Variants in HIVEP1 observed in about 807,000 individuals in gnomAD.
The protein encoded by HIVEP1 is zinc finger protein 40.
In HIVEP1, 36 loss-of-function variants were observed where a neutral mutation model predicts 180.0. The ratio of observed to expected loss-of-function variants is 0.20; its 90% CI spans 0.15 to 0.26. The LOEUF (loss-of-function observed/expected upper bound fraction) is 0.26, where lower values mean the gene tolerates loss of function less well. Ranked by LOEUF, HIVEP1 falls within the 10% of genes least tolerant of loss-of-function variation. The pLI, the probability that HIVEP1 is intolerant of heterozygous loss-of-function variation, is 1.00. For synonymous variants in HIVEP1, 1,239 were observed against 1,239.0 expected, an observed-to-expected ratio of 1.00 and a Z score of 0.00; for missense variants, 3,143 against 3,268.7, an observed-to-expected ratio of 0.96 and a Z score of 0.94.
intron 2 of HIVEP1, among the ~76,000 whole-genome samples, chr6:12,017,984 C>T (rs993599118): frequency 3.9e-5 from 6 of 152,288 alleles, no homozygotes; most frequent in Middle Eastern, 3.4e-3. Context: ...CAGCGCTCAT[C>T]GGGGAGGCTG....
At chr6:12,048,253 G>A (rs1378197249) in intron 2 of HIVEP1, among the ~76,000 whole-genome samples, 9 of 152,240 alleles carry the variant, frequency 5.9e-5, no homozygotes, top group Admixed American at 1.3e-4. Flanking sequence ...GCACTTGTGC[G>A]CCGTCCGCGG....
intron 2 of HIVEP1, among the ~76,000 whole-genome samples, chr6:12,029,915 G>A (rs949319656): frequency 4.6e-5 from 7 of 152,038 alleles, no homozygotes; most frequent in African/African-American, 1.7e-4. Context: ...ATGGATTCAG[G>A]TTATCATCCT....
intron 2 of HIVEP1, among the ~76,000 whole-genome samples, chr6:12,042,189 C>T (rs893257886): frequency 9.3e-5 from 14 of 150,206 alleles, no homozygotes; most frequent in African/African-American, 3.2e-4. Flanking sequence ...ACGCCATTCT[C>T]CTGCCTCAGC....
intron 2 of HIVEP1, among the ~76,000 whole-genome samples, chr6:12,081,483 A>G (rs1214661218): frequency 6.6e-6 from 1 of 152,050 alleles, no homozygotes; most frequent in African/African-American, 2.4e-5. Flanking sequence ...CCACTAGCAG[A>G]CTTTTCCTTT....
the HIVEP1 span, among the ~76,000 whole-genome samples, chr6:12,183,974 A>AAGAT: frequency 0.04 from 5,425 of 134,530 alleles, 158 homozygotes; most frequent in South Asian, 0.062. Context: ...TCACATTGTA[A>AAGAT]AGATAGATAG....
At chr6:12,168,407 A>G (rs1402772012), downstream of HIVEP1, among the ~76,000 whole-genome samples, 1 of 141,878 alleles carries the variant, frequency 7.0e-6, no homozygotes, top group Non-Finnish European at 1.5e-5. Context: ...ATTTTATATA[A>G]TATATTTTAG....
the HIVEP1 span, among the ~76,000 whole-genome samples, chr6:12,177,747 G>C: frequency 6.6e-6 from 1 of 152,158 alleles, no homozygotes; most frequent in South Asian, 2.1e-4. Flanking sequence ...AGCTAGATAA[G>C]TGATAGGGGA....
At chr6:12,153,111 T>C (rs1759805000) in intron 7 of HIVEP1, among the ~76,000 whole-genome samples, 1 of 152,234 alleles carries the variant, frequency 6.6e-6, no homozygotes, top group Admixed American at 6.5e-5. Context: ...AGTTCAATTA[T>C]TTACATTCTC....
intron 6 of HIVEP1, among the ~76,000 whole-genome samples, chr6:12,131,352 C>T (rs1293423263): frequency 6.6e-6 from 1 of 151,864 alleles, no homozygotes; most frequent in African/African-American, 2.4e-5. Flanking sequence ...ATAATAACTA[C>T]AGTAAACTTC....
At chr6:12,089,083 TA>T (rs1773290719) in intron 2 of HIVEP1, 100 bp from the exon 3 acceptor site, 1 of 597,378 alleles carries the variant, frequency 1.7e-6, no homozygotes, top group South Asian at 2.3e-5. Context: ...ACACATTTTT[TA>T]CTAGGTATCT....
rs1334094554 is a variant in HIVEP1 at position 12,161,680 on chromosome 6, G to A, written c.6729G>A (p.Thr2243=). ...RITDCFSGVH[T]DPMDVLPRAL... ...CCGATTGCTTTTCTGGGGTACACAC[G>A]GACCCAATGGACGTTCTGCCCAGGG... Residue 2243 remains threonine, a synonymous_variant, in exon 8 of 9, where the codon ACG becomes ACA. Transcript: ENST00000379388. The A allele has an allele frequency of 1.2e-5, 19 of 1,614,000 alleles. No individual in the cohort carries two copies. The highest frequency in any genetic ancestry group is 3.3e-5 in the South Asian group (3 of 91,086).
intron 2 of HIVEP1, among the ~76,000 whole-genome samples, chr6:12,065,692 C>T (rs62395292): frequency 0.039 from 5,679 of 145,078 alleles, 180 homozygotes; most frequent in African/African-American, 0.088. Context: ...TGTGTGTGTG[C>T]GTGTGTGTGT....
chr6:12,167,646 C>T (rs55853782), downstream of HIVEP1, among the ~76,000 whole-genome samples: 2,253 of 18,376 alleles, frequency 0.12, 312 homozygotes, highest in African/African-American at 0.17. Flanking sequence ...TATACATATA[C>T]ATATATATGT....
chr6:12,078,658 T>A (rs955687430), intron 2 of HIVEP1, among the ~76,000 whole-genome samples: 1 of 140,242 alleles, frequency 7.1e-6, no homozygotes, highest in Non-Finnish European at 1.6e-5. Context: ...CACATACATA[T>A]ATATACATAT....
intron 2 of HIVEP1, among the ~76,000 whole-genome samples, chr6:12,052,595 T>C (rs1188976379): frequency 6.6e-6 from 1 of 152,230 alleles, no homozygotes; most frequent in Non-Finnish European, 1.5e-5. Flanking sequence ...AACTATCTTA[T>C]GAGGCAGATA....
Position 12,121,000 on chromosome 6 carries a change from A to C in HIVEP1, c.1205A>C (p.Lys402Thr), listed in dbSNP as rs1394074014. Reference protein sequence around the residue: ...NLLLKDQKPKKQGKYICEYCN... With the variant: ...NLLLKDQKPKTQGKYICEYCN... ...CTTCTGAAAGATCAGAAGCCAAAAAAACAAGGAAAATATATTTGTGAGTAT... is the reference window on the plus strand; with the variant it reads ...CTTCTGAAAGATCAGAAGCCAAAAACACAAGGAAAATATATTTGTGAGTAT... Residue 402 changes from lysine (K) to threonine (T), a missense_variant, in exon 4 of 9, where the codon AAA (lysine) becomes ACA (threonine). Coordinates refer to ENST00000379388, the MANE Select transcript of HIVEP1 (RefSeq NM_002114.4). 2 of 1,614,078 alleles carry C rather than the reference A, an allele frequency of 1.2e-6. No individual in the cohort carries two copies. Among genetic ancestry groups the C allele is most frequent in the African/African-American group, 2.7e-5 (2 of 74,928 alleles).
At chr6:12,134,517 G>A (rs570470611) in intron 6 of HIVEP1, among the ~76,000 whole-genome samples, 3 of 152,242 alleles carry the variant, frequency 2.0e-5, no homozygotes, top group East Asian at 3.9e-4. Context: ...CATGTGCTTC[G>A]GCTACTGCAA....
intron 3 of HIVEP1, among the ~76,000 whole-genome samples, chr6:12,093,211 T>TGCC (rs1773587533): frequency 6.6e-6 from 1 of 152,168 alleles, no homozygotes; most frequent in African/African-American, 2.4e-5. Context: ...CTTACTGAAA[T>TGCC]GCTTGCTATT....
intron 2 of HIVEP1, among the ~76,000 whole-genome samples, chr6:12,075,975 A>C (rs893226071): frequency 6.6e-6 from 1 of 152,222 alleles, no homozygotes; most frequent in African/African-American, 2.4e-5. Context: ...GAATGAGGGC[A>C]AATAAGCTCC....
Sources: allele counts gnomAD v4.1 joint callset (sites outside exome capture counted in the v4.1 genomes callset), GRCh38; gene constraint gnomAD v4.1.1; transcripts MANE v1.5; gene names NCBI Gene and HGNC (gene_info 2026-07-23, HGNC 2026-07-21).